COG5: variants seen among roughly 807,000 people sequenced by gnomAD.
COG5 encodes the protein component of oligomeric golgi complex 5, also known as conserved oligomeric Golgi complex subunit 5.
Under a neutral mutation model 110.4 loss-of-function variants are expected in COG5, and 86 were observed. That is an observed-to-expected ratio of 0.78 (90% CI 0.65 to 0.93). COG5 has a LOEUF of 0.93. COG5 is among the 40% of genes least tolerant of loss of function. The pLI, the probability that COG5 is intolerant of heterozygous loss-of-function variation, is 0.00. For synonymous variants in COG5, 360 were observed against 334.6 expected (o/e 1.08, Z -0.83); for missense variants, 1,077 against 987.0 (o/e 1.09, Z -1.22).
At chr7:107,402,119 A>C (rs143312734) in intron 7 of COG5, among the ~76,000 whole-genome samples, 4 of 152,310 alleles carry the variant, frequency 2.6e-5, no homozygotes, top group Non-Finnish European at 4.4e-5. Context: ...TTATTTTCTT[A>C]GAGTAGCTAG....
At chr7:107,525,411 C>T (rs1800657348) in intron 6 of COG5, among the ~76,000 whole-genome samples, 1 of 152,042 alleles carries the variant, frequency 6.6e-6, no homozygotes, top group African/African-American at 2.4e-5. Flanking sequence ...TTAATGATTC[C>T]ATAATCCTAC....
chr7:107,545,188 GCAGA>G (rs1341556049), intron 5 of COG5, among the ~76,000 whole-genome samples: 1 of 152,154 alleles, frequency 6.6e-6, no homozygotes, highest in Non-Finnish European at 1.5e-5. Context: ...CCCAGAAGGA[GCAGA>G]GAGAGAAGAA....
intron 6 of COG5, among the ~76,000 whole-genome samples, chr7:107,415,830 ATGTATG>A (rs755334051): frequency 1.1e-5 from 1 of 93,966 alleles, no homozygotes; most frequent in Non-Finnish European, 2.3e-5. Context: ...ACACGTATGT[ATGTATG>A]TGTGTGTATA....
chr7:107,553,337 T>G (rs1030506669), intron 3 of COG5, among the ~76,000 whole-genome samples: 8 of 152,238 alleles, frequency 5.3e-5, no homozygotes, highest in Non-Finnish European at 1.0e-4. Context: ...GTCAGATATG[T>G]ATCCCAGATT....
chr7:107,236,663 A>G lies in COG5; in HGVS notation c.1878T>C (p.Pro626=). The G allele has an allele frequency of 6.2e-7, 1 of 1,614,000 alleles. No homozygotes were observed. Among genetic ancestry groups the G allele is most frequent in the Non-Finnish European group, 8.5e-7 (1 of 1,179,884 alleles). ...TCATGTACAGAGAACAAGGAACATC[A>G]GGTTTTCCTGAGCTGGATAATGACC... The part of the protein sequence containing the change: ...FSGSLSSSGK[P]DVPCSLYMKE... Residue 626 remains proline (P), a synonymous_variant, in exon 18 of 22, where the codon CCT becomes CCC. Transcript: ENST00000297135.
chr7:107,544,796 G>A (rs1226322616), intron 5 of COG5, among the ~76,000 whole-genome samples: 1 of 152,218 alleles, frequency 6.6e-6, no homozygotes, highest in African/African-American at 2.4e-5. Flanking sequence ...TAAAGATATT[G>A]AGGTTTATGA....
intron 6 of COG5, among the ~76,000 whole-genome samples, chr7:107,525,660 C>G (rs908196423): frequency 3.3e-5 from 5 of 151,962 alleles, no homozygotes; most frequent in Admixed American, 3.3e-4. Flanking sequence ...TCGAGTGATC[C>G]TCCCATCTCA....
intron 12 of COG5, among the ~76,000 whole-genome samples, chr7:107,295,390 A>C (rs999152473): frequency 6.6e-6 from 1 of 152,054 alleles, no homozygotes; most frequent in Non-Finnish European, 1.5e-5. Context: ...TATAGTAAGC[A>C]ACTCTACAGC....
chr7:107,226,198 T>C (rs938541516), intron 19 of COG5, among the ~76,000 whole-genome samples: 1 of 152,238 alleles, frequency 6.6e-6, no homozygotes, highest in African/African-American at 2.4e-5. Context: ...TTTGATCCTA[T>C]GAATTTAGCA....
At chr7:107,560,803 A>G (rs1488988954) in intron 1 of COG5, among the ~76,000 whole-genome samples, 1 of 152,232 alleles carries the variant, frequency 6.6e-6, no homozygotes, top group African/African-American at 2.4e-5. Flanking sequence ...CAGGTTATGG[A>G]ATGGCATATC....
At chr7:107,339,029 T>C (rs1292043339) in intron 10 of COG5, among the ~76,000 whole-genome samples, 2 of 152,122 alleles carry the variant, frequency 1.3e-5, no homozygotes, top group Non-Finnish European at 2.9e-5. Context: ...GCTATCAATA[T>C]AAACCTTGAA....
intron 19 of COG5, among the ~76,000 whole-genome samples, chr7:107,226,690 T>G (rs1188640978): frequency 2.0e-5 from 3 of 152,198 alleles, no homozygotes; most frequent in African/African-American, 7.2e-5. Flanking sequence ...ACTGAAAACA[T>G]TCTTTGTAGA....
At chr7:107,431,580 A>ATT (rs1794029875) in intron 6 of COG5, among the ~76,000 whole-genome samples, 1 of 152,206 alleles carries the variant, frequency 6.6e-6, no homozygotes, top group African/African-American at 2.4e-5. Context: ...ATCAAACTCT[A>ATT]TCATCTTACT....
intron 11 of COG5, among the ~76,000 whole-genome samples, chr7:107,308,691 A>C (rs1315417490): frequency 6.6e-6 from 1 of 152,052 alleles, no homozygotes; most frequent in Non-Finnish European, 1.5e-5. Context: ...TGTTCCTTTT[A>C]TTTACCAGTT....
At chr7:107,256,829 T>G in intron 15 of COG5, 35 bp from the exon 16 acceptor site, 1 of 1,480,062 alleles carries the variant, frequency 6.8e-7, no homozygotes, top group Non-Finnish European at 9.4e-7. Flanking sequence ...ATAGTTTCGC[T>G]TAAGTCTATT....
chr7:107,448,480 AGCTAAT>A (rs1422235160), intron 6 of COG5, among the ~76,000 whole-genome samples: 1 of 152,102 alleles, frequency 6.6e-6, no homozygotes, highest in Non-Finnish European at 1.5e-5. Flanking sequence ...CCACCTCTCT[AGCTAAT>A]GCCTGTTAGT....
At chr7:107,438,510 A>G (rs1794497432) in intron 6 of COG5, among the ~76,000 whole-genome samples, 1 of 152,190 alleles carries the variant, frequency 6.6e-6, no homozygotes, top group South Asian at 2.1e-4. Context: ...AGTGATGTGC[A>G]CTGCACACGT....
chr7:107,470,667 A>G (rs1796581425), intron 6 of COG5, among the ~76,000 whole-genome samples: 2 of 152,114 alleles, frequency 1.3e-5, no homozygotes, highest in African/African-American at 4.8e-5. Context: ...ATTCATTATG[A>G]AGACAGCTTT....
At chr7:107,509,653 G>C (rs1373880143) in intron 6 of COG5, among the ~76,000 whole-genome samples, 1 of 152,144 alleles carries the variant, frequency 6.6e-6, no homozygotes. Flanking sequence ...AGAGAGAAAG[G>C]TCGGGTTACC....
Sources: gnomAD v4.1 joint callset for allele counts (sites outside exome capture counted in the v4.1 genomes callset) on GRCh38, gnomAD v4.1.1 for gene constraint, MANE v1.5 for transcripts, NCBI Gene and HGNC (gene_info 2026-07-23, HGNC 2026-07-21) for gene names.